RAD17: variants seen among roughly 807,000 people sequenced by gnomAD.
The protein encoded by RAD17 is RAD17 checkpoint clamp loader component.
A neutral mutation model predicts 81.5 loss-of-function variants in RAD17; 31 were observed. The ratio of observed to expected loss-of-function variants is 0.38; its 90% CI spans 0.29 to 0.51. The LOEUF is 0.51. Ranked by LOEUF, RAD17 falls within the 20% of genes least tolerant of loss-of-function variation. RAD17 has a pLI of 0.88. For synonymous variants in RAD17, 261 were observed against 266.2 expected (o/e 0.98, Z 0.19); for missense variants, 681 against 781.2 (o/e 0.87, Z 1.53).
At chr5:69,392,946 A>G in intron 13 of RAD17, 1 of 519,312 alleles carries the variant, frequency 1.9e-6, no homozygotes, top group Non-Finnish European at 3.4e-6. Flanking sequence ...AGAAGCCATA[A>G]TCTAAGCATC....
At chr5:69,402,003 C>CAAAAA (rs1173414879) in intron 17 of RAD17, among the ~76,000 whole-genome samples, 1 of 44,920 alleles carries the variant, frequency 2.2e-5, no homozygotes, top group Admixed American at 3.5e-4. Flanking sequence ...GACTCTGTCT[C>CAAAAA]AAAAAAAAAA....
At chr5:69,378,757 A>T (rs2150789670) in intron 6 of RAD17, among the ~76,000 whole-genome samples, 1 of 152,344 alleles carries the variant, frequency 6.6e-6, no homozygotes, top group African/African-American at 2.4e-5. Flanking sequence ...ATGTGTCATT[A>T]GGTGACTTCA....
rs141984626 is a variant in RAD17, at chr5:69,400,074, A to T, written c.1598A>T (p.Lys533Ile). 6.3e-7 allele frequency: 1 copy of T among 1,599,670 alleles called. No homozygotes were observed. Among genetic ancestry groups the T allele is most frequent in the African/African-American group, 1.3e-5 (1 of 74,316 alleles). Residue 533 changes from lysine to isoleucine, a missense_variant, in exon 17 of 19, where the codon AAA (lysine) becomes ATA (isoleucine). Transcript: ENST00000354868. ...TATCGGGAAAATTGCCTGGCAGCAA[A>T]AGCACTTTTTCCTGACTTCTGCCTA... ...KKYRENCLAAKALFPDFCLPA... is the reference protein window; with the variant it reads ...KKYRENCLAAIALFPDFCLPA...
In RAD17 at chr5:69,400,113, T is replaced by G. The variant is rs1045051; in HGVS notation, c.1637T>G (p.Leu546Arg). The G allele has an allele frequency of 0.3, 486,798 of 1,597,920 alleles. 77,290 individuals are homozygous for G. The highest frequency in any genetic ancestry group is 0.36 in the South Asian group (31,938 of 88,240). ...FPDFCLPALC[L>R]QTQLLPYLAL... is the part of the protein sequence containing the mutation. The stretch of plus-strand genomic sequence containing the variant: ...GACTTCTGCCTACCAGCTTTATGCC[T>G]CCAAACTCAGCTATTGCCATACCTT... The change falls in exon 17 of 19, where the codon CTC (leucine) becomes CGC (arginine). Residue 546 changes from leucine to arginine, a missense_variant. Transcript: ENST00000354868.
intron 6 of RAD17, among the ~76,000 whole-genome samples, chr5:69,375,516 GAAT>G (rs1763278923): frequency 6.6e-6 from 1 of 151,592 alleles, no homozygotes; most frequent in South Asian, 2.1e-4. Flanking sequence ...AAAGAAAATA[GAAT>G]AATAAAAAAA....
At chr5:69,379,647 T>TA (rs996156848) in intron 6 of RAD17, among the ~76,000 whole-genome samples, 2 of 151,742 alleles carry the variant, frequency 1.3e-5, no homozygotes, top group African/African-American at 4.8e-5. Context: ...TTTTTGTATT[T>TA]AAAAAAAAAT....
At chr5:69,371,427 A>C in intron 2 of RAD17, 27 bp from the exon 3 acceptor site, 1 of 534,200 alleles carries the variant, frequency 1.9e-6, no homozygotes, top group Non-Finnish European at 3.0e-6. Context: ...TCTTCATTTG[A>C]GGGCTTCTTC....
At chr5:69,377,971 T>A (rs535955104) in intron 6 of RAD17, among the ~76,000 whole-genome samples, 32 of 151,632 alleles carry the variant, frequency 2.1e-4, no homozygotes, top group South Asian at 6.2e-4. Context: ...TAAAAAAAAA[T>A]TTTTTTGTAG....
In RAD17 at chr5:69,371,666, CTATT is replaced by C. The variant is rs1386708315; in HGVS notation, c.-176+110_-176+113del. 5.8e-6 allele frequency: 3 copies of C among 521,478 alleles called. No individual in the cohort carries two copies. In the African/African-American group the frequency reaches 6.0e-5, roughly 10 times the overall value. The allele number at this position is 521,478 out of a possible 1,614,324, so 32.3% of individuals were successfully genotyped here. ...CTATCAAAGTAATAGAGCCGAGTAT[CTATT>C]GTAATTAATGATTTAAGCAAGTCTG... On this transcript the variant is annotated intron_variant, in intron 3 of 18. Transcript: ENST00000354868.
At chr5:69,411,703 T>C (rs1437170050) in intron 18 of RAD17, among the ~76,000 whole-genome samples, 13 of 152,210 alleles carry the variant, frequency 8.5e-5, no homozygotes, top group Non-Finnish European at 1.8e-4. Context: ...TGATCAGGGC[T>C]TACACATTTC....
intron 17 of RAD17, among the ~76,000 whole-genome samples, chr5:69,400,965 T>C (rs1580424757): frequency 6.7e-6 from 1 of 150,284 alleles, no homozygotes; most frequent in East Asian, 2.0e-4. Flanking sequence ...GATACAGAAA[T>C]ATATAAAGAG....
At chr5:69,385,061 G>A (rs1764103228) in intron 8 of RAD17, 128 bp downstream of exon 8, 11 of 772,540 alleles carry the variant, frequency 1.4e-5, no homozygotes, top group African/African-American at 5.6e-5. Flanking sequence ...CCAGGTTCAC[G>A]CCATTCTCCT....
chr5:69,369,997 C>T (rs551524448), intron 1 of RAD17, 64 bp downstream of exon 1: 2 of 431,486 alleles, frequency 4.6e-6, no homozygotes, highest in African/African-American at 4.2e-5. Context: ...CTATCTCTGC[C>T]TTCAAGCTTT....
chr5:69,410,999 T>TATATATATATA (rs1765961124), intron 18 of RAD17, among the ~76,000 whole-genome samples: 2 of 38,238 alleles, frequency 5.2e-5, no homozygotes, highest in Non-Finnish European at 1.1e-4. Flanking sequence ...ATATATATAC[T>TATATATATATA]GTTCATTTTA....
At chr5:69,382,189 G>T (rs1457616528) in intron 7 of RAD17, 132 bp downstream of exon 7, 74 of 1,029,264 alleles carry the variant, frequency 7.2e-5, no homozygotes, top group Non-Finnish European at 1.0e-4. Flanking sequence ...CACAGGCCAG[G>T]TGCGATGGCT....
chr5:69,377,596 T>C (rs1354508723), intron 6 of RAD17, among the ~76,000 whole-genome samples: 3 of 53,920 alleles, frequency 5.6e-5, no homozygotes, highest in African/African-American at 1.5e-4. Context: ...CATATATATA[T>C]GCATATATAT....
Position 69,371,483 on chromosome 5 carries a change from C to G in RAD17, c.-250C>G, listed in dbSNP as rs374867594. ...ATTATAGTTTAATGTACTGCAAGTC[C>G]TAAACTACGGATGGGAACTATTACA... On this transcript the variant is annotated 5_prime_UTR_variant, in exon 3 of 19. Transcript: ENST00000354868. 18 of 1,055,692 alleles carry G rather than the reference C, an allele frequency of 1.7e-5. No individual in the cohort carries two copies. Among genetic ancestry groups the G allele is most frequent in the Middle Eastern group, 4.0e-4 (1 of 2,484 alleles). 65.4% of individuals were successfully genotyped at this position (1,055,692 alleles called of 1,614,324 possible). A position where few individuals can be genotyped will look rare whatever the true frequency, so the allele number is the denominator to read the frequency against.
intron 11 of RAD17, 58 bp downstream of exon 11, chr5:69,386,523 G>A: frequency 2.1e-6 from 3 of 1,450,844 alleles, no homozygotes; most frequent in Non-Finnish European, 2.7e-6. Flanking sequence ...AGCTTAAATA[G>A]TATTATGTAA....
upstream of RAD17, chr5:69,369,582 C>CGGCCCCAAA (rs1322609339): frequency 3.1e-6 from 5 of 1,602,688 alleles, no homozygotes. Flanking sequence ...CAAAAGCCCA[C>CGGCCCCAAA]GGCCCCAAAG....
Sources: allele counts gnomAD v4.1 joint callset (sites outside exome capture counted in the v4.1 genomes callset), GRCh38; gene constraint gnomAD v4.1.1; transcripts MANE v1.5; gene names NCBI Gene and HGNC (gene_info 2026-07-23, HGNC 2026-07-21).